Variants in ING5 observed in about 807,000 individuals in gnomAD.
ING5 encodes the protein inhibitor of growth protein 5.
ING5 carries 17 observed loss-of-function variants against 37.4 expected under a neutral mutation model. The ratio of observed to expected loss-of-function variants is 0.45; its 90% confidence interval spans 0.31 to 0.68. ING5 has a LOEUF of 0.68. Ranked by LOEUF, ING5 falls within the 30% of genes least tolerant of loss-of-function variation. The pLI is 0.05. For missense variants in ING5, 233 were observed against 311.9 expected (o/e 0.75, Z 1.91); for synonymous variants, 123 against 116.6 (o/e 1.06, Z -0.36).
chr2:241,722,493 T>A, intron 5 of ING5: 1 of 985,310 alleles, frequency 1.0e-6, no homozygotes. Context: ...GGGCGCGAGG[T>A]CTCCACCCCT....
Position 241,704,681 on chromosome 2 carries a change from G to A in ING5, c.66G>A (p.Gln22=), listed in dbSNP as rs1384619473. 1 of 1,614,178 alleles carries A rather than the reference G, an allele frequency of 6.2e-7. No individual in the cohort carries two copies. Among genetic ancestry groups the A allele is most frequent in the Admixed American group, 1.7e-5 (1 of 60,012 alleles). ...DSIENLPCEL[Q]RNFQLMRELD... ...TCGAGAACCTTCCCTGCGAACTTCA[G>A]AGGAACTTCCAGCTGATGCGAGAGC... The change falls in exon 2 of 8, where the codon CAG becomes CAA. Residue 22 remains glutamine, a synonymous_variant. Transcript: ENST00000313552.
At chr2:241,702,453 G>A (rs1340360107) in intron 1 of ING5, among the ~76,000 whole-genome samples, 1 of 151,904 alleles carries the variant, frequency 6.6e-6, no homozygotes, top group East Asian at 1.9e-4. Context: ...TCCGGCCCCG[G>A]CCCCGCCAGG....
At chr2:241,711,934 T>C in intron 4 of ING5, 44 bp from the exon 5 acceptor site, 3 of 1,503,238 alleles carry the variant, frequency 2.0e-6, no homozygotes, top group Non-Finnish European at 2.7e-6. Flanking sequence ...TGCCTTGCTT[T>C]AGAGAATTCT....
intron 5 of ING5, among the ~76,000 whole-genome samples, chr2:241,718,058 G>T (rs1275926323): frequency 6.6e-6 from 1 of 152,162 alleles, no homozygotes; most frequent in Non-Finnish European, 1.5e-5. Context: ...TGTGGCCCAG[G>T]CTGGAGTGCG....
chr2:241,725,199 C>A lies in ING5; in HGVS notation c.*168C>A. ...AACAAGAACCACCAAAGCCTGTTCGCACAGAAGGGCGACCTTGCAGGGACT... is the reference window on the plus strand; with the variant it reads ...AACAAGAACCACCAAAGCCTGTTCGAACAGAAGGGCGACCTTGCAGGGACT... On this transcript the variant is annotated 3_prime_UTR_variant, in exon 8 of 8. Coordinates refer to ENST00000313552, the MANE Select transcript of ING5 (RefSeq NM_032329.6). 1.4e-6 allele frequency: 1 copy of A among 725,716 alleles called. No homozygotes were observed. The highest frequency in any genetic ancestry group is 2.4e-6 in the Non-Finnish European group (1 of 422,630). 45.0% of individuals were successfully genotyped at this position (725,716 alleles called of 1,614,324 possible).
In ING5 at chr2:241,692,250, A is replaced by C. The variant is rs75347446; in HGVS notation, c.43+1597A>C. 1.8e-4 allele frequency among the ~76,000 whole-genome samples: 28 copies of C among 152,160 alleles called. No homozygotes were observed. In the East Asian group the frequency reaches 5.0e-3, roughly 27 times the overall value. ...TTACAGTTACCCTTAACTGCTCCAGAGATAACAACTTGAACATTATGAAAC... is the reference window on the plus strand; with the variant it reads ...TTACAGTTACCCTTAACTGCTCCAGCGATAACAACTTGAACATTATGAAAC... On this transcript the variant is annotated intron_variant, in intron 2 of 7. Transcript: ENST00000636051.
In ING5 at chr2:241,687,652, C is replaced by A. The variant is rs567220167; in HGVS notation, c.-1184C>A. On this transcript the variant is annotated 5_prime_UTR_variant, in exon 1 of 8. Coordinates refer to the ING5 transcript ENST00000636051. The stretch of plus-strand genomic sequence containing the variant: ...AAGCGATTCTCCTGCCTCAGCCTCC[C>A]GAGTAGCTGGGACTGCAGGCGGCCG... 3.1e-5 allele frequency: 8 copies of A among 260,794 alleles called. No homozygotes were observed. The East Asian group carries it at 4.5e-4, about 15-fold the overall frequency. 16.2% of individuals were successfully genotyped at this position (260,794 alleles called of 1,614,324 possible).
rs966139636 is a variant in ING5, at chr2:241,728,027, C to T, written c.*2996C>T. The T allele has an allele frequency of 6.6e-6, 1 of 152,202 alleles. No individual in the cohort carries two copies. Among genetic ancestry groups the T allele is most frequent in the Non-Finnish European group, 1.5e-5 (1 of 68,050 alleles). The allele number at this position is 152,202 out of a possible 1,614,324, so 9.4% of individuals were successfully genotyped here. A position where few individuals can be genotyped will look rare whatever the true frequency, so the allele number is the denominator to read the frequency against. On this transcript the variant is annotated 3_prime_UTR_variant, in exon 8 of 8. Coordinates refer to ENST00000313552, the MANE Select transcript of ING5 (RefSeq NM_032329.6). ...ACTTTTGCCACTTACAATAATATCACCAAAATAATATGCATAGAGTTTTGG... is the reference window on the plus strand; with the variant it reads ...ACTTTTGCCACTTACAATAATATCATCAAAATAATATGCATAGAGTTTTGG...
intron 5 of ING5, among the ~76,000 whole-genome samples, chr2:241,716,968 A>G (rs191300604): frequency 6.6e-6 from 1 of 152,332 alleles, no homozygotes; most frequent in East Asian, 1.9e-4. Context: ...TGGTGACTAC[A>G]GTTAATAACA....
intron 5 of ING5, among the ~76,000 whole-genome samples, chr2:241,719,046 G>C (rs922215030): frequency 2.0e-5 from 3 of 152,226 alleles, no homozygotes; most frequent in Non-Finnish European, 4.4e-5. Flanking sequence ...TGGGGGCCTG[G>C]GGCGGGGCAG....
chr2:241,702,363 G>A (rs1222624058), intron 1 of ING5, among the ~76,000 whole-genome samples: 1 of 149,302 alleles, frequency 6.7e-6, no homozygotes, highest in African/African-American at 2.4e-5. Flanking sequence ...TGGCGATGCT[G>A]GGCGGGGCTT....
chr2:241,689,717 G>T (rs2069519056), intron 1 of ING5: 1 of 152,172 alleles, frequency 6.6e-6, no homozygotes, highest in Non-Finnish European at 1.5e-5. Context: ...GCACAACCTA[G>T]CGAACGCTTA....
intron 2 of ING5, among the ~76,000 whole-genome samples, chr2:241,706,625 CAAAAAA>C (rs770869002): frequency 2.7e-5 from 3 of 109,332 alleles, no homozygotes; most frequent in Non-Finnish European, 5.6e-5. Context: ...AACTCCATCT[CAAAAAA>C]AAAAAAAAAA....
chr2:241,713,058 CT>C lies in ING5; in HGVS notation c.482+1002del, dbSNP rs112809236. Among the ~76,000 whole-genome samples, 710 of 136,388 alleles carry C rather than the reference CT, an allele frequency of 5.2e-3. 2 individuals are homozygous for C. The highest frequency in any genetic ancestry group is 8.9e-3 in the Non-Finnish European group (557 of 62,896). 89.5% of individuals were successfully genotyped at this position (136,388 alleles called of 152,430 possible). On this transcript the variant is annotated intron_variant, in intron 5 of 7. Coordinates refer to ENST00000313552, the MANE Select transcript of ING5 (RefSeq NM_032329.6). ...TTCTTGACAAAAAAGGGACAATTTT[CT>C]TTTTTTTTTTTTTTGAGATGGGGTT...
At chr2:241,723,395 A>G (rs367998614) in intron 7 of ING5, 124 bp downstream of exon 7, 1 of 1,044,652 alleles carries the variant, frequency 9.6e-7, no homozygotes. Flanking sequence ...GTAGCCACGT[A>G]GGCATGCCCC....
At chr2:241,724,242 G>A (rs370004498) in intron 7 of ING5, among the ~76,000 whole-genome samples, 54 of 152,346 alleles carry the variant, frequency 3.5e-4, no homozygotes, top group African/African-American at 1.1e-3. Context: ...CTCGGAGGCT[G>A]GCCGAGCTCA....
In ING5 at chr2:241,708,770, T is replaced by C. The variant is rs548308091; in HGVS notation, c.110-446T>C. ...ATTGGGGTTGTTTTCTGTTTTCTGCTCTTATGAATGTTTCCCGTGTGGATT... is the reference window on the plus strand; with the variant it reads ...ATTGGGGTTGTTTTCTGTTTTCTGCCCTTATGAATGTTTCCCGTGTGGATT... On this transcript the variant is annotated intron_variant, in intron 2 of 7. Coordinates refer to ENST00000313552, the MANE Select transcript of ING5 (RefSeq NM_032329.6). Among the ~76,000 whole-genome samples, 71 of 152,286 alleles carry C rather than the reference T, an allele frequency of 4.7e-4. 2 individuals are homozygous for C. Among genetic ancestry groups the C allele is most frequent in the Middle Eastern group, 3.4e-3 (1 of 294 alleles).
intron 5 of ING5, chr2:241,722,386 G>C: frequency 2.0e-6 from 2 of 985,398 alleles, no homozygotes; most frequent in South Asian, 4.7e-5. Flanking sequence ...CTCGTCCCCA[G>C]AGTGGGACCA....
intron 2 of ING5, among the ~76,000 whole-genome samples, chr2:241,707,858 A>G (rs1457900284): frequency 6.6e-6 from 1 of 152,022 alleles, no homozygotes; most frequent in African/African-American, 2.4e-5. Context: ...AGGGGTGACC[A>G]TCCTGAGTTT....
Sources: allele counts gnomAD v4.1 joint callset (sites outside exome capture counted in the v4.1 genomes callset), GRCh38; gene constraint gnomAD v4.1.1; transcripts MANE v1.5; gene names NCBI Gene and HGNC (gene_info 2026-07-23, HGNC 2026-07-21).